Variants in RBFOX1 observed in about 807,000 individuals in gnomAD.
RBFOX1 encodes the protein RNA binding fox-1 homolog 1, also known as RNA binding protein fox-1 homolog 1.
RBFOX1 carries 8 observed loss-of-function variants against 57.7 expected under a neutral mutation model. The observed-to-expected ratio is 0.14, with a 90% CI of 0.08 to 0.25. RBFOX1 has a LOEUF of 0.25. Among genes scored for constraint, RBFOX1 ranks in the 10% least tolerant of loss-of-function variants. RBFOX1 has a pLI of 1.00. For missense variants in RBFOX1, 611 were observed against 548.5 expected, an observed-to-expected ratio of 1.11 and a Z score of -1.14; for synonymous variants, 326 against 222.4, an observed-to-expected ratio of 1.47 and a Z score of -4.15.
intron 2 of RBFOX1, among the ~76,000 whole-genome samples, chr16:5,537,888 C>T (rs912701752): frequency 6.6e-6 from 1 of 152,310 alleles, no homozygotes; most frequent in Middle Eastern, 3.4e-3. Flanking sequence ...TTCACAGATT[C>T]TGGAAATAAA....
At chr16:5,999,543 G>C (rs1411541402) in intron 4 of RBFOX1, among the ~76,000 whole-genome samples, 1 of 152,200 alleles carries the variant, frequency 6.6e-6, no homozygotes, top group Non-Finnish European at 1.5e-5. Flanking sequence ...GGCAGCAAGA[G>C]TGAAGGAAGA....
chr16:7,234,068 G>A (rs1009258846), intron 4 of RBFOX1, among the ~76,000 whole-genome samples: 4 of 152,146 alleles, frequency 2.6e-5, no homozygotes, highest in African/African-American at 9.7e-5. Flanking sequence ...GGGTTGCATG[G>A]AAATTATGTC....
rs551297404 is a variant in RBFOX1 at position 5,985,183 on chromosome 16, G to A, written c.351+117848G>A. The stretch of plus-strand genomic sequence containing the variant: ...ATATATTTTTATTTTTAGTAGAGGC[G>A]GGGTTTCACCGTGTTAGCCAGGATG... On this transcript the variant is annotated intron_variant, in intron 4 of 19. Transcript: ENST00000641259. Among the ~76,000 whole-genome samples, 8 of 150,872 alleles carry A rather than the reference G, an allele frequency of 5.3e-5. No individual in the cohort carries two copies. In the South Asian group the frequency reaches 1.1e-3, roughly 20 times the overall value.
At chr16:5,442,748 G>A (rs573755077) in intron 1 of RBFOX1, among the ~76,000 whole-genome samples, 13 of 152,246 alleles carry the variant, frequency 8.5e-5, no homozygotes, top group African/African-American at 2.9e-4. Flanking sequence ...CTGTCTCACC[G>A]TCCTCCAAAA....
chr16:7,108,680 A>G (rs1599723822), intron 4 of RBFOX1, among the ~76,000 whole-genome samples: 2 of 152,164 alleles, frequency 1.3e-5, no homozygotes, highest in South Asian at 2.1e-4. Flanking sequence ...CAATTTTGCA[A>G]CATCCACCAC....
At chr16:6,850,371 C>T (rs540668188) in intron 3 of RBFOX1, among the ~76,000 whole-genome samples, 26 of 152,212 alleles carry the variant, frequency 1.7e-4, no homozygotes, top group South Asian at 6.2e-4. Flanking sequence ...TGGGAGAGAA[C>T]CCTACTTAGG....
intron 3 of RBFOX1, among the ~76,000 whole-genome samples, chr16:6,898,803 A>G (rs2153401893): frequency 6.6e-6 from 1 of 151,940 alleles, no homozygotes. Context: ...GCGTGTCTGT[A>G]TAACGTGCAT....
intron 4 of RBFOX1, among the ~76,000 whole-genome samples, chr16:5,897,613 C>G (rs530451914): frequency 6.6e-6 from 1 of 152,228 alleles, no homozygotes; most frequent in South Asian, 2.1e-4. Flanking sequence ...GGTTCAGCAC[C>G]TGGGAAACCA....
chr16:6,755,075 G>T (rs2075571312), intron 3 of RBFOX1, among the ~76,000 whole-genome samples: 1 of 152,148 alleles, frequency 6.6e-6, no homozygotes, highest in South Asian at 2.1e-4. Flanking sequence ...TGGTGTATAT[G>T]TTGCACATTT....
intron 4 of RBFOX1, among the ~76,000 whole-genome samples, chr16:7,057,787 C>T (rs2052844052): frequency 6.6e-6 from 1 of 152,156 alleles, no homozygotes; most frequent in Non-Finnish European, 1.5e-5. Context: ...GTGGGTGGAT[C>T]ACCTGAGATC....
chr16:5,893,301 A>G (rs548015243), intron 4 of RBFOX1, among the ~76,000 whole-genome samples: 2 of 152,240 alleles, frequency 1.3e-5, no homozygotes, highest in Non-Finnish European at 2.9e-5. Flanking sequence ...TTAAGATCAC[A>G]TGGTGAATGG....
chr16:6,917,094 A>C (rs1041935526), intron 3 of RBFOX1, among the ~76,000 whole-genome samples: 5 of 152,134 alleles, frequency 3.3e-5, no homozygotes, highest in Non-Finnish European at 5.9e-5. Flanking sequence ...GAGGTTATCC[A>C]CCTGCCTTGG....
intron 1 of RBFOX1, among the ~76,000 whole-genome samples, chr16:5,279,926 A>C (rs551075598): frequency 6.6e-6 from 1 of 152,054 alleles, no homozygotes; most frequent in Non-Finnish European, 1.5e-5. Flanking sequence ...GATGCCTTTT[A>C]TTTCTTTATC....
At chr16:6,232,278 C>T (rs1214570028) in intron 1 of RBFOX1, among the ~76,000 whole-genome samples, 1 of 152,194 alleles carries the variant, frequency 6.6e-6, no homozygotes, top group Non-Finnish European at 1.5e-5. Context: ...CTCATCTCTG[C>T]ACCAGTGTCA....
intron 4 of RBFOX1, among the ~76,000 whole-genome samples, chr16:7,265,007 C>G (rs2095071897): frequency 6.6e-6 from 1 of 152,242 alleles, no homozygotes; most frequent in Middle Eastern, 3.2e-3. Context: ...GTTTTCAAAC[C>G]ATAGGCTCTG....
At chr16:6,438,657 T>C (rs1264476426) in intron 2 of RBFOX1, among the ~76,000 whole-genome samples, 1 of 152,178 alleles carries the variant, frequency 6.6e-6, no homozygotes, top group Non-Finnish European at 1.5e-5. Context: ...GGGGTTGGCG[T>C]TGTTTGGTCA....
intron 4 of RBFOX1, among the ~76,000 whole-genome samples, chr16:7,193,331 C>G (rs2085887053): frequency 6.6e-6 from 1 of 152,206 alleles, no homozygotes; most frequent in Non-Finnish European, 1.5e-5. Flanking sequence ...GGCAAGAACT[C>G]AGATTCTTCC....
chr16:7,126,268 CT>C, intron 4 of RBFOX1: 1 of 297,476 alleles, frequency 3.4e-6, no homozygotes, highest in South Asian at 3.9e-5. Context: ...TATCGTGTGT[CT>C]TCAGTCTTGA....
At chr16:6,184,938 A>T (rs1467446389) in intron 1 of RBFOX1, among the ~76,000 whole-genome samples, 1 of 152,196 alleles carries the variant, frequency 6.6e-6, no homozygotes, top group African/African-American at 2.4e-5. Context: ...CAAGAGAAGC[A>T]GCTGTTCAGG....
Sources: allele counts gnomAD v4.1 joint callset (sites outside exome capture counted in the v4.1 genomes callset), GRCh38; gene constraint gnomAD v4.1.1; transcripts MANE v1.5; gene names NCBI Gene and HGNC (gene_info 2026-07-23, HGNC 2026-07-21).